The following KIAA0825 variants were observed in gnomAD, a reference collection of about 807,000 sequenced individuals.
The protein encoded by KIAA0825 is KIAA0825, also known as uncharacterized protein KIAA0825.
KIAA0825 carries 119 observed loss-of-function variants against 147.6 expected under a neutral mutation model. The ratio of observed to expected loss-of-function variants is 0.81; its 90% CI spans 0.69 to 0.94. The LOEUF (loss-of-function observed/expected upper bound fraction) is 0.94, where lower values mean the gene tolerates loss of function less well. KIAA0825 is among the 40% of genes least tolerant of loss of function. The probability of loss-of-function intolerance (pLI) is 0.00; values close to 1 mark genes in which losing one functional copy is unlikely to be tolerated. For synonymous variants in KIAA0825, 470 were observed against 518.1 expected, an observed-to-expected ratio of 0.91 and a Z score of 1.26; for missense variants, 1,381 against 1,472.7, an observed-to-expected ratio of 0.94 and a Z score of 1.02.
chr5:94,360,212 A>C (rs189435172), intron 20 of KIAA0825, among the ~76,000 whole-genome samples: 2 of 152,176 alleles, frequency 1.3e-5, no homozygotes, highest in Admixed American at 1.3e-4. Context: ...CAAACTTACT[A>C]TCATAACCTG....
At chr5:94,371,062 G>A (rs1746637170) in intron 20 of KIAA0825, among the ~76,000 whole-genome samples, 2 of 151,916 alleles carry the variant, frequency 1.3e-5, no homozygotes, top group African/African-American at 4.8e-5. Flanking sequence ...GGGAGCGGGT[G>A]GGATATTTTA....
intron 20 of KIAA0825, among the ~76,000 whole-genome samples, chr5:94,325,459 T>C (rs1195607009): frequency 2.6e-5 from 4 of 151,980 alleles, no homozygotes; most frequent in Non-Finnish European, 5.9e-5. Flanking sequence ...ATATTCATCA[T>C]TTAAATTTTC....
chr5:94,332,513 A>G (rs1781388868), intron 20 of KIAA0825, among the ~76,000 whole-genome samples: 1 of 152,110 alleles, frequency 6.6e-6, no homozygotes, highest in African/African-American at 2.4e-5. Context: ...GCTGAGAATG[A>G]TGGTTTCCAC....
intron 5 of KIAA0825, among the ~76,000 whole-genome samples, chr5:94,508,425 G>T (rs1359751262): frequency 2.0e-5 from 3 of 151,956 alleles, no homozygotes; most frequent in Admixed American, 6.6e-5. Context: ...GTACACCCAA[G>T]AAGCTATAAA....
chr5:94,610,059 C>G (rs1326880174), intron 1 of KIAA0825, among the ~76,000 whole-genome samples: 1 of 152,112 alleles, frequency 6.6e-6, no homozygotes, highest in African/African-American at 2.4e-5. Flanking sequence ...ATACACAAAA[C>G]TTGCATTTTT....
At chr5:94,335,797 T>C (rs1274211290) in intron 20 of KIAA0825, among the ~76,000 whole-genome samples, 10 of 152,208 alleles carry the variant, frequency 6.6e-5, no homozygotes. Flanking sequence ...CAGTTTTAGA[T>C]AACTAAGAAT....
At chr5:94,217,961 T>C (rs1427738281) in intron 20 of KIAA0825, among the ~76,000 whole-genome samples, 5 of 152,288 alleles carry the variant, frequency 3.3e-5, no homozygotes, top group Admixed American at 6.5e-5. Flanking sequence ...TAAAGCTCAT[T>C]GAGTCAAGGT....
chr5:94,573,684 G>A (rs1561337199), intron 2 of KIAA0825, among the ~76,000 whole-genome samples: 2 of 152,168 alleles, frequency 1.3e-5, no homozygotes, highest in African/African-American at 2.4e-5. Context: ...GATTGGGAGG[G>A]CCTGGAAGAA....
intron 6 of KIAA0825, among the ~76,000 whole-genome samples, chr5:94,478,124 T>C (rs1327819435): frequency 1.3e-5 from 2 of 152,204 alleles, no homozygotes; most frequent in Non-Finnish European, 2.9e-5. Flanking sequence ...AGATGCGTGT[T>C]TTCTTTTCCT....
intron 20 of KIAA0825, among the ~76,000 whole-genome samples, chr5:94,308,546 A>G (rs1488762484): frequency 1.3e-5 from 2 of 151,844 alleles, no homozygotes; most frequent in Non-Finnish European, 2.9e-5. Context: ...ACATAAATTC[A>G]AGGGACTCTA....
At chr5:94,220,374 A>G (rs377217808) in intron 20 of KIAA0825, among the ~76,000 whole-genome samples, 1 of 152,066 alleles carries the variant, frequency 6.6e-6, no homozygotes, top group South Asian at 2.1e-4. Flanking sequence ...TTTTTTTTTA[A>G]TAAGTAGGAG....
chr5:94,309,079 A>T (rs1778937595), intron 20 of KIAA0825, among the ~76,000 whole-genome samples: 1 of 151,778 alleles, frequency 6.6e-6, no homozygotes, highest in African/African-American at 2.4e-5. Flanking sequence ...GTACTAGTGA[A>T]CTAGCATAGT....
At chr5:94,330,198 G>C (rs1305307356) in intron 20 of KIAA0825, among the ~76,000 whole-genome samples, 1 of 152,118 alleles carries the variant, frequency 6.6e-6, no homozygotes, top group Non-Finnish European at 1.5e-5. Context: ...AAACCAGCAA[G>C]GACATAGAAG....
At chr5:94,477,048 G>A (rs532964329) in intron 7 of KIAA0825, 63 bp downstream of exon 7, 3 of 1,130,316 alleles carry the variant, frequency 2.7e-6, no homozygotes, top group Non-Finnish European at 3.9e-6. Context: ...ATTCATAATG[G>A]ATTCACAGGC....
chr5:94,590,981 G>A (rs145307520), intron 1 of KIAA0825, among the ~76,000 whole-genome samples: 22 of 152,280 alleles, frequency 1.4e-4, no homozygotes, highest in Non-Finnish European at 2.6e-4. Context: ...TACACATTAC[G>A]TTAAAACTGT....
At chr5:94,529,187 T>A (rs1490013208) in intron 3 of KIAA0825, among the ~76,000 whole-genome samples, 3 of 147,588 alleles carry the variant, frequency 2.0e-5, no homozygotes, top group Non-Finnish European at 4.5e-5. Flanking sequence ...ATATATATTA[T>A]ATATATGAAG....
chr5:94,296,704 C>G (rs1340042395), intron 20 of KIAA0825, among the ~76,000 whole-genome samples: 2 of 152,118 alleles, frequency 1.3e-5, no homozygotes, highest in Non-Finnish European at 2.9e-5. Flanking sequence ...CATCCCTCCC[C>G]ACTTCTGCTT....
chr5:94,167,082 C>G (rs1768117013), intron 20 of KIAA0825, among the ~76,000 whole-genome samples: 1 of 151,994 alleles, frequency 6.6e-6, no homozygotes, highest in Non-Finnish European at 1.5e-5. Context: ...CCCTCCTCAC[C>G]CCAAGAAAAA....
chr5:94,293,488 A>T (rs1230009807), intron 20 of KIAA0825, among the ~76,000 whole-genome samples: 1 of 152,104 alleles, frequency 6.6e-6, no homozygotes. Flanking sequence ...GTTTGTTATG[A>T]TTTCCATTCT....
Sources: gnomAD v4.1 joint callset for allele counts (sites outside exome capture counted in the v4.1 genomes callset) on GRCh38, gnomAD v4.1.1 for gene constraint, MANE v1.5 for transcripts, NCBI Gene and HGNC (gene_info 2026-07-23, HGNC 2026-07-21) for gene names.